CBLN2: variants seen among roughly 807,000 people sequenced by gnomAD.
The protein encoded by CBLN2 is cerebellin-2.
Under a neutral mutation model 15.0 loss-of-function variants are expected in CBLN2, and 7 were observed. The ratio of observed to expected loss-of-function variants is 0.47; its 90% CI spans 0.27 to 0.88. The LOEUF (loss-of-function observed/expected upper bound fraction) is 0.88, where lower values mean the gene tolerates loss of function less well. Ranked by LOEUF, CBLN2 falls within the 40% of genes least tolerant of loss-of-function variation. The pLI, the probability that CBLN2 is intolerant of heterozygous loss-of-function variation, is 0.14. For missense variants in CBLN2, 242 were observed against 304.5 expected, an observed-to-expected ratio of 0.79 and a Z score of 1.53; for synonymous variants, 149 against 135.2, an observed-to-expected ratio of 1.10 and a Z score of -0.71.
chr18:72,541,906 G>T lies in CBLN2; in HGVS notation c.255C>A (p.Ser85=), dbSNP rs760112976. The change falls in exon 3 of 5, where the codon TCC becomes TCA. Residue 85 remains serine (S), a synonymous_variant. Coordinates refer to ENST00000269503, the MANE Select transcript of CBLN2 (RefSeq NM_182511.4). ...CCACCTTGGCGCTGCCGGAGCGCACGGAGATGCCTAGGGAGGAGGTGACGG... is the reference window on the plus strand; with the variant it reads ...CCACCTTGGCGCTGCCGGAGCGCACTGAGATGCCTAGGGAGGAGGTGACGG... ...DGAVTSSLGI[S]VRSGSAKVAF... The T allele has an allele frequency of 6.2e-7, 1 of 1,608,168 alleles. No homozygotes were observed. The highest frequency in any genetic ancestry group is 8.5e-7 in the Non-Finnish European group (1 of 1,179,172).
At chr18:72,602,136 C>T (rs2069552585) in intron 1 of CBLN2, among the ~76,000 whole-genome samples, 1 of 152,242 alleles carries the variant, frequency 6.6e-6, no homozygotes, top group Non-Finnish European at 1.5e-5. Context: ...ACATCCCCTT[C>T]CGGTCCCCCC....
intron 1 of CBLN2, among the ~76,000 whole-genome samples, chr18:72,550,375 G>A (rs1343305193): frequency 6.6e-6 from 1 of 152,084 alleles, no homozygotes; most frequent in Non-Finnish European, 1.5e-5. Flanking sequence ...AACCATACAG[G>A]GAGGTAAGGA....
intron 1 of CBLN2, among the ~76,000 whole-genome samples, chr18:72,560,536 T>G (rs1395343962): frequency 6.6e-6 from 1 of 152,192 alleles, no homozygotes; most frequent in Non-Finnish European, 1.5e-5. Context: ...AAAGCCAGAC[T>G]CATTCGCAAA....
chr18:72,569,453 AT>A (rs1417847686), intron 1 of CBLN2, among the ~76,000 whole-genome samples: 1 of 152,178 alleles, frequency 6.6e-6, no homozygotes, highest in Non-Finnish European at 1.5e-5. Context: ...AATTATTTTG[AT>A]TTAATATATG....
intron 1 of CBLN2, among the ~76,000 whole-genome samples, chr18:72,601,017 C>T (rs906769945): frequency 5.3e-5 from 8 of 152,102 alleles, no homozygotes; most frequent in South Asian, 2.1e-4. Flanking sequence ...CAGGAGTAAA[C>T]GGGGAAGTCA....
chr18:72,569,278 T>C (rs939478347), intron 1 of CBLN2, among the ~76,000 whole-genome samples: 2 of 152,002 alleles, frequency 1.3e-5, no homozygotes, highest in African/African-American at 4.8e-5. Flanking sequence ...CCACTAAAAT[T>C]GTAATATAGA....
chr18:72,610,690 A>G (rs1271019522), intron 1 of CBLN2, among the ~76,000 whole-genome samples: 1 of 152,216 alleles, frequency 6.6e-6, no homozygotes, highest in Non-Finnish European at 1.5e-5. Context: ...AAGTACTTCC[A>G]AGACACAAAC....
chr18:72,548,584 A>G (rs1225467949), upstream of CBLN2, among the ~76,000 whole-genome samples: 1 of 152,216 alleles, frequency 6.6e-6, no homozygotes, highest in Non-Finnish European at 1.5e-5. Flanking sequence ...GCCATTTTAT[A>G]CTGATCATAA....
intron 1 of CBLN2, among the ~76,000 whole-genome samples, chr18:72,599,920 A>G (rs1434470304): frequency 6.6e-6 from 1 of 152,180 alleles, no homozygotes; most frequent in Non-Finnish European, 1.5e-5. Flanking sequence ...TCTGAGGGCC[A>G]AGACTGAGTG....
chr18:72,593,633 T>C (rs931584152), intron 1 of CBLN2, among the ~76,000 whole-genome samples: 1 of 152,176 alleles, frequency 6.6e-6, no homozygotes, highest in African/African-American at 2.4e-5. Context: ...AGTATGATAC[T>C]AGCTCTTGGT....
At chr18:72,586,449 C>T (rs1473149140) in intron 1 of CBLN2, among the ~76,000 whole-genome samples, 1 of 152,178 alleles carries the variant, frequency 6.6e-6, no homozygotes, top group Non-Finnish European at 1.5e-5. Context: ...ACCAAGAGGT[C>T]TGCTGAGGCT....
upstream of CBLN2, among the ~76,000 whole-genome samples, chr18:72,547,089 G>A (rs548197915): frequency 4.1e-5 from 6 of 145,394 alleles, no homozygotes; most frequent in South Asian, 1.3e-3. Context: ...TCCATTAACA[G>A]ATGATTTGAT....
chr18:72,637,501 A>T (rs2069821647), intron 1 of CBLN2, among the ~76,000 whole-genome samples: 1 of 152,216 alleles, frequency 6.6e-6, no homozygotes. Flanking sequence ...TGGCGTGAAT[A>T]GAAAGCGACA....
At position 72,542,209 on chromosome 18, in the gene CBLN2, G is replaced by A; in HGVS notation, c.-49C>T. 1 of 1,154,118 alleles carries A rather than the reference G, an allele frequency of 8.7e-7. No individual in the cohort carries two copies. 71.5% of individuals were successfully genotyped at this position (1,154,118 alleles called of 1,614,324 possible). ...CGGGGGTGGAGGCCGGCGCCGGCGC[G>A]AGCGGCGCGGAAGGGCGCGAAGGAA... On this transcript the variant is annotated 5_prime_UTR_variant, in exon 3 of 5. Transcript: ENST00000269503.
intron 1 of CBLN2, among the ~76,000 whole-genome samples, chr18:72,619,857 C>T (rs1224021777): frequency 3.9e-5 from 6 of 152,172 alleles, no homozygotes; most frequent in Admixed American, 6.5e-5. Flanking sequence ...GACAGAGGTG[C>T]CTTGTTTTCT....
chr18:72,615,817 G>A (rs1227147662), intron 1 of CBLN2, among the ~76,000 whole-genome samples: 1 of 152,112 alleles, frequency 6.6e-6, no homozygotes, highest in Non-Finnish European at 1.5e-5. Context: ...AATGAAATTA[G>A]AAGAATTTGG....
intron 1 of CBLN2, among the ~76,000 whole-genome samples, chr18:72,622,157 C>T (rs1204858666): frequency 2.6e-5 from 4 of 152,036 alleles, no homozygotes; most frequent in African/African-American, 9.7e-5. Flanking sequence ...TTTCTCTTTG[C>T]CCAACACTCT....
At position 72,575,966 on chromosome 18, in the gene CBLN2, C is replaced by T. The variant is rs1156550553; in HGVS notation, c.16-37194G>A. ...ATAGCACCCTTTAGCCCTTATCACC[C>T]TAAACCTGAACCCAATCCTTCCATT... On this transcript the variant is annotated intron_variant, in intron 1 of 2. Transcript: ENST00000581073. 2.0e-5 allele frequency among the ~76,000 whole-genome samples: 3 copies of T among 152,172 alleles called. No homozygotes were observed. In the East Asian group the frequency reaches 5.8e-4, roughly 29 times the overall value.
At chr18:72,612,773 AT>A (rs1459272527) in intron 1 of CBLN2, among the ~76,000 whole-genome samples, 1 of 152,082 alleles carries the variant, frequency 6.6e-6, no homozygotes, top group South Asian at 2.1e-4. Context: ...TCTAACTTGT[AT>A]TTTTGTTTTA....
Sources: allele counts gnomAD v4.1 joint callset (sites outside exome capture counted in the v4.1 genomes callset), GRCh38; gene constraint gnomAD v4.1.1; transcripts MANE v1.5; gene names NCBI Gene and HGNC (gene_info 2026-07-23, HGNC 2026-07-21).